The following PPP4R2 variants were observed in gnomAD, a reference collection of about 807,000 sequenced individuals.
PPP4R2 encodes the protein serine/threonine-protein phosphatase 4 regulatory subunit 2.
Under a neutral mutation model 47.2 loss-of-function variants are expected in PPP4R2, and 13 were observed. The observed-to-expected ratio is 0.28, with a 90% CI of 0.18 to 0.44. PPP4R2 has a LOEUF of 0.44. Ranked by LOEUF, PPP4R2 falls within the 20% of genes least tolerant of loss-of-function variation. PPP4R2 has a pLI of 1.00. For synonymous variants in PPP4R2, 151 were observed against 163.3 expected (o/e 0.92, Z 0.57); for missense variants, 421 against 491.2 (o/e 0.86, Z 1.35).
At chr3:73,015,401 T>G (rs1388492003) in intron 2 of PPP4R2, among the ~76,000 whole-genome samples, 1 of 151,782 alleles carries the variant, frequency 6.6e-6, no homozygotes, top group African/African-American at 2.4e-5. Flanking sequence ...GGTCTTGAAC[T>G]CCTGGCCTCA....
Position 73,023,270 on chromosome 3 carries a change from A to C in PPP4R2, c.117-23916A>C, listed in dbSNP as rs369420887. Among the ~76,000 whole-genome samples the C allele has an allele frequency of 1.3e-4, 18 of 142,678 alleles. No individual in the cohort carries two copies. In the East Asian group the frequency reaches 3.2e-3, roughly 26 times the overall value. The allele number at this position is 142,678 out of a possible 152,430, so 93.6% of individuals were successfully genotyped here. On this transcript the variant is annotated intron_variant, in intron 2 of 8. Coordinates refer to ENST00000356692, the MANE Select transcript of PPP4R2 (RefSeq NM_174907.4). ...GCGATCTCAACCTCTGCTCACTGCA[A>C]CCTCTGCCTCCTGGGTTCAAGCAAT... is the stretch of plus-strand genomic sequence containing the variant.
At position 73,065,837 on chromosome 3, in the gene PPP4R2, ATAAAG is replaced by A. The variant is rs1224549422; in HGVS notation, c.*118_*122del. On this transcript the variant is annotated 3_prime_UTR_variant, in exon 9 of 9. Transcript: ENST00000356692. ...TTTTACAAGAGAAGCAGGTTGTAAA[ATAAAG>A]TACTTTATGGATAATTCCTGAAAGA... 1 of 669,454 alleles carries A rather than the reference ATAAAG, an allele frequency of 1.5e-6. No individual in the cohort carries two copies. Among genetic ancestry groups the A allele is most frequent in the African/African-American group, 1.8e-5 (1 of 54,974 alleles). The allele number at this position is 669,454 out of a possible 1,614,324, so 41.5% of individuals were successfully genotyped here.
chr3:73,049,600 C>T (rs542937947), intron 3 of PPP4R2, among the ~76,000 whole-genome samples: 26 of 151,900 alleles, frequency 1.7e-4, no homozygotes, highest in Admixed American at 5.2e-4. Context: ...AAATTATGGC[C>T]GTCATTCAAA....
chr3:73,063,754 T>G lies in PPP4R2; in HGVS notation c.494+7T>G, dbSNP rs767611049. 5 of 1,507,382 alleles carry G rather than the reference T, an allele frequency of 3.3e-6. No individual in the cohort carries two copies. The highest frequency in any genetic ancestry group is 1.7e-5 in the Admixed American group (1 of 57,146). The allele number at this position is 1,507,382 out of a possible 1,614,324, so 93.4% of individuals were successfully genotyped here. On this transcript the variant is annotated splice_region_variant and intron_variant, in intron 6 of 8. Coordinates refer to ENST00000356692, the MANE Select transcript of PPP4R2 (RefSeq NM_174907.4). ...CACCAAGCTATACTGAGAGGTGAGA[T>G]TCTAGATTTTTAATACCTACAGAGT... is the stretch of plus-strand genomic sequence containing the variant.
chr3:72,998,805 T>A (rs1701404124), intron 2 of PPP4R2, among the ~76,000 whole-genome samples: 2 of 152,156 alleles, frequency 1.3e-5, no homozygotes, highest in South Asian at 4.1e-4. Context: ...TCCAGGTCAT[T>A]GTTTTGCAGT....
intron 5 of PPP4R2, chr3:73,062,405 G>GT (rs754932288): frequency 1.9e-6 from 3 of 1,608,324 alleles, no homozygotes; most frequent in Non-Finnish European, 2.5e-6. Context: ...AAGCAGCCAA[G>GT]TCTATGCTAG....
intron 2 of PPP4R2, among the ~76,000 whole-genome samples, chr3:73,022,412 T>C (rs1334803400): frequency 6.6e-6 from 1 of 152,220 alleles, no homozygotes; most frequent in African/African-American, 2.4e-5. Context: ...ACTTTTGTTA[T>C]GCATTGAAAA....
At chr3:73,027,239 G>C (rs958714024) in intron 2 of PPP4R2, among the ~76,000 whole-genome samples, 20 of 152,160 alleles carry the variant, frequency 1.3e-4, no homozygotes, top group African/African-American at 4.3e-4. Flanking sequence ...CTCTTCCCCT[G>C]CCTCAGCCTC....
chr3:73,001,297 T>C (rs898830938), intron 2 of PPP4R2, among the ~76,000 whole-genome samples: 3 of 152,144 alleles, frequency 2.0e-5, no homozygotes, highest in Non-Finnish European at 4.4e-5. Context: ...GTGATTCATG[T>C]CTGTAATCCC....
intron 2 of PPP4R2, among the ~76,000 whole-genome samples, chr3:73,004,547 C>A (rs1701554610): frequency 6.6e-6 from 1 of 152,122 alleles, no homozygotes; most frequent in Non-Finnish European, 1.5e-5. Flanking sequence ...ACTCTGTCTT[C>A]CCACCTCATC....
chr3:73,006,190 ATTTTTTTTTTTT>A (rs71624000), intron 2 of PPP4R2, among the ~76,000 whole-genome samples: 7 of 124,170 alleles, frequency 5.6e-5, no homozygotes, highest in Admixed American at 1.7e-4. Flanking sequence ...ATATGCCACA[ATTTTTTTTTTTT>A]TTTTTTTTTT....
intron 2 of PPP4R2, among the ~76,000 whole-genome samples, chr3:73,018,687 A>G (rs1204367873): frequency 6.6e-6 from 1 of 152,080 alleles, no homozygotes; most frequent in Non-Finnish European, 1.5e-5. Context: ...AAGTTCACTG[A>G]ATATGCAGTG....
rs2107358393 is a variant in PPP4R2 at position 73,068,924 on chromosome 3, T to G, written c.*3202T>G. 1.4e-5 allele frequency: 1 copy of G among 69,112 alleles called. No individual in the cohort carries two copies. Among genetic ancestry groups the G allele is most frequent in the Non-Finnish European group, 2.5e-5 (1 of 40,616 alleles). 4.3% of individuals were successfully genotyped at this position (69,112 alleles called of 1,614,324 possible). ...TTCTGAACAGGAATTTAACATTGGT[T>G]TTGATGAAGGTGAGGGTCAGTTCTC... On this transcript the variant is annotated 3_prime_UTR_variant, in exon 9 of 9. Transcript: ENST00000356692.
chr3:73,056,747 A>G (rs1190016278), intron 3 of PPP4R2, among the ~76,000 whole-genome samples: 1 of 152,232 alleles, frequency 6.6e-6, no homozygotes, highest in African/African-American at 2.4e-5. Flanking sequence ...CACATAAAAT[A>G]TTAATAATTG....
Position 73,002,629 on chromosome 3 carries a change from C to CTTTTTTTTTTTTTTTTTTTTTTTTTT in PPP4R2, c.116+4475_116+4476insTTTTTTTTTTTTTTTTTTTTTTTTTT, listed in dbSNP as rs1245599779. 5.7e-4 allele frequency among the ~76,000 whole-genome samples: 47 copies of CTTTTTTTTTTTTTTTTTTTTTTTTTT among 82,992 alleles called. 4 individuals are homozygous for CTTTTTTTTTTTTTTTTTTTTTTTTTT. Among genetic ancestry groups the CTTTTTTTTTTTTTTTTTTTTTTTTTT allele is most frequent in the Non-Finnish European group, 8.6e-4 (36 of 41,628 alleles). The allele number at this position is 82,992 out of a possible 152,430, so 54.4% of individuals were successfully genotyped here. On this transcript the variant is annotated intron_variant, in intron 2 of 8. Transcript: ENST00000356692. ...TTTTTCTTTTCTTTTCTTTTCTTTT[C>CTTTTTTTTTTTTTTTTTTTTTTTTTT]TTTTCTTTTTTTTTTTTTTTTTTTT...
intron 2 of PPP4R2, among the ~76,000 whole-genome samples, chr3:73,034,246 G>A (rs951626089): frequency 6.6e-6 from 1 of 152,054 alleles, no homozygotes; most frequent in Admixed American, 6.6e-5. Context: ...TTTAAACAAT[G>A]CACCTTTAAA....
intron 2 of PPP4R2, among the ~76,000 whole-genome samples, chr3:73,018,465 A>ATGTTATTTATGTTAT (rs1295553516): frequency 1.1e-5 from 1 of 88,848 alleles, no homozygotes; most frequent in Admixed American, 1.1e-4. Flanking sequence ...ATGTTATGTT[A>ATGTTATTTATGTTAT]GTATCCGAAA....
chr3:73,021,188 A>G (rs1045699705), intron 2 of PPP4R2, among the ~76,000 whole-genome samples: 4 of 151,984 alleles, frequency 2.6e-5, no homozygotes, highest in Admixed American at 6.6e-5. Context: ...TAAAAAGAGT[A>G]GGAAGGAGAA....
At chr3:73,003,033 T>C (rs1485273738) in intron 2 of PPP4R2, among the ~76,000 whole-genome samples, 1 of 152,126 alleles carries the variant, frequency 6.6e-6, no homozygotes, top group Admixed American at 6.5e-5. Flanking sequence ...TTGTAATTAC[T>C]GATTGTAACC....
Sources: gnomAD v4.1 joint callset for allele counts (sites outside exome capture counted in the v4.1 genomes callset) on GRCh38, gnomAD v4.1.1 for gene constraint, MANE v1.5 for transcripts, NCBI Gene and HGNC (gene_info 2026-07-23, HGNC 2026-07-21) for gene names.